Variants in CSMD3 observed in about 807,000 individuals in gnomAD.
CSMD3 encodes CUB and sushi domain-containing protein 3.
Under a neutral mutation model 435.2 loss-of-function variants are expected in CSMD3, and 177 were observed. The observed-to-expected ratio is 0.41, with a 90% CI of 0.36 to 0.46. The LOEUF (loss-of-function observed/expected upper bound fraction) is 0.46. CSMD3 is among the 20% of genes least tolerant of loss of function. The pLI, the probability that CSMD3 is intolerant of heterozygous loss-of-function variation, is 0.34. For missense variants in CSMD3, 4,265 were observed against 4,504.6 expected (o/e 0.95, Z 1.52); for synonymous variants, 1,656 against 1,520.5 (o/e 1.09, Z -2.07).
chr8:112,723,003 C>T (rs918080714), intron 13 of CSMD3, among the ~76,000 whole-genome samples: 8 of 149,622 alleles, frequency 5.3e-5, no homozygotes, highest in Admixed American at 4.0e-4. Context: ...TTGTGAGTAA[C>T]AAGCAGGTCA....
At chr8:112,608,642 T>C (rs755968262) in intron 22 of CSMD3, among the ~76,000 whole-genome samples, 8 of 151,954 alleles carry the variant, frequency 5.3e-5, no homozygotes, top group Admixed American at 6.6e-5. Context: ...ATAATTTATA[T>C]ATGTATATGT....
intron 6 of CSMD3, among the ~76,000 whole-genome samples, chr8:113,006,269 T>C (rs2086051665): frequency 6.6e-6 from 1 of 151,970 alleles, no homozygotes; most frequent in Non-Finnish European, 1.5e-5. Flanking sequence ...TGAAGATTTG[T>C]CTCTATATGT....
At chr8:112,573,220 T>C (rs962244668) in intron 24 of CSMD3, among the ~76,000 whole-genome samples, 2 of 152,124 alleles carry the variant, frequency 1.3e-5, no homozygotes, top group African/African-American at 4.8e-5. Flanking sequence ...ACTGGATGAA[T>C]AGAATCCTGC....
At chr8:112,330,355 TA>T (rs1167683281) in intron 45 of CSMD3, among the ~76,000 whole-genome samples, 1 of 152,144 alleles carries the variant, frequency 6.6e-6, no homozygotes, top group Non-Finnish European at 1.5e-5. Context: ...ACATAATTAT[TA>T]AATCATATTA....
chr8:112,685,662 T>C lies in CSMD3; in HGVS notation c.2226A>G (p.Gly742=). 6.2e-7 allele frequency: 1 copy of C among 1,613,734 alleles called. No individual in the cohort carries two copies. Among genetic ancestry groups the C allele is most frequent in the Non-Finnish European group, 8.5e-7 (1 of 1,179,676 alleles). Residue 742 remains glycine, a synonymous_variant, in exon 15 of 71, where the codon GGA becomes GGG. Transcript: ENST00000297405. The part of the protein sequence containing the change: ...VLSPDYPEGY[G]NNLNCIWTII... Reference sequence around the variant, plus strand: ...TCGTCCAGATGCAATTTAAATTATTTCCATACCCTTCTGGGTAATCAGGAG... The same window carrying C: ...TCGTCCAGATGCAATTTAAATTATTCCCATACCCTTCTGGGTAATCAGGAG...
chr8:113,228,185 C>T (rs184009031), intron 3 of CSMD3, among the ~76,000 whole-genome samples: 10 of 151,572 alleles, frequency 6.6e-5, no homozygotes, highest in African/African-American at 1.9e-4. Flanking sequence ...TTCCTGTCTT[C>T]TTAAAAACTT....
intron 27 of CSMD3, among the ~76,000 whole-genome samples, chr8:112,541,734 C>T (rs1173227064): frequency 6.6e-6 from 1 of 150,760 alleles, no homozygotes; most frequent in Admixed American, 6.6e-5. Flanking sequence ...CAAATTGAAA[C>T]AAAACAAAAC....
At chr8:113,098,506 T>G (rs571232944) in intron 5 of CSMD3, 135 of 473,442 alleles carry the variant, frequency 2.9e-4, no homozygotes, top group Non-Finnish European at 4.7e-4. Flanking sequence ...ACTGGCATGC[T>G]AAAAAACACA....
intron 1 of CSMD3, chr8:113,376,586 T>C: frequency 2.7e-6 from 2 of 749,502 alleles, no homozygotes; most frequent in Non-Finnish European, 4.4e-6. Flanking sequence ...ATAAAAAAAT[T>C]GATATCCAAT....
intron 5 of CSMD3, among the ~76,000 whole-genome samples, chr8:113,035,279 T>C (rs1345467733): frequency 6.6e-6 from 1 of 152,054 alleles, no homozygotes; most frequent in Admixed American, 6.5e-5. Flanking sequence ...AAATGGATTA[T>C]CATTAGATGA....
chr8:112,520,600 A>C (rs1824181588), intron 27 of CSMD3, among the ~76,000 whole-genome samples: 1 of 152,086 alleles, frequency 6.6e-6, no homozygotes, highest in Admixed American at 6.6e-5. Flanking sequence ...CATTTATTAC[A>C]CATAAAAATA....
At position 113,305,673 on chromosome 8, in the gene CSMD3, C is replaced by T. The variant is rs139795044; in HGVS notation, c.401+8898G>A. Among the ~76,000 whole-genome samples the T allele has an allele frequency of 1.3e-3, 201 of 152,272 alleles. 1 individual carries two copies. Among genetic ancestry groups the T allele is most frequent in the African/African-American group, 4.5e-3 (186 of 41,560 alleles). ...AAATAGTTGTGTATACTCTGGAATC[C>T]TTGCCTTAGTCAGATTTGAAAGAGC... is the stretch of plus-strand genomic sequence containing the variant. On this transcript the variant is annotated intron_variant, in intron 2 of 70. Transcript: ENST00000297405.
rs767263656 is a variant in CSMD3 at position 112,319,850 on chromosome 8, A to T, written c.7246+51T>A. 43 of 1,322,238 alleles carry T rather than the reference A, an allele frequency of 3.3e-5. No homozygotes were observed. The South Asian group carries it at 4.8e-4, about 15-fold the overall frequency. 81.9% of individuals were successfully genotyped at this position (1,322,238 alleles called of 1,614,324 possible). Reference sequence around the variant, plus strand: ...CTGTATTTTGGCTTATTTTTAAGCAAATAGTTCTGCCAGCAGTATGTTTTC... The same window carrying T: ...CTGTATTTTGGCTTATTTTTAAGCATATAGTTCTGCCAGCAGTATGTTTTC... On this transcript the variant is annotated intron_variant, in intron 46 of 70. Transcript: ENST00000297405.
At chr8:113,317,986 T>C (rs1374266991) in intron 1 of CSMD3, among the ~76,000 whole-genome samples, 3 of 152,198 alleles carry the variant, frequency 2.0e-5, no homozygotes, top group South Asian at 4.1e-4. Context: ...CTCCTAATGA[T>C]AACTTCATTT....
chr8:112,708,051 T>A (rs963115966), intron 13 of CSMD3, among the ~76,000 whole-genome samples: 1 of 152,104 alleles, frequency 6.6e-6, no homozygotes, highest in Non-Finnish European at 1.5e-5. Flanking sequence ...TAAGGCAATG[T>A]GACACAAATG....
At chr8:113,370,216 A>T (rs531381746) in intron 1 of CSMD3, among the ~76,000 whole-genome samples, 23 of 151,458 alleles carry the variant, frequency 1.5e-4, no homozygotes, top group South Asian at 6.2e-4. Flanking sequence ...AAATAAATTT[A>T]AAAAAACACA....
intron 36 of CSMD3, among the ~76,000 whole-genome samples, chr8:112,385,640 G>A (rs1055374564): frequency 6.6e-6 from 1 of 152,166 alleles, no homozygotes; most frequent in Admixed American, 6.5e-5. Context: ...ATTGGAGGCA[G>A]GAGTAGTAAA....
chr8:113,376,453 T>C (rs2094383463), intron 1 of CSMD3, among the ~76,000 whole-genome samples: 1 of 152,138 alleles, frequency 6.6e-6, no homozygotes, highest in Non-Finnish European at 1.5e-5. Context: ...AAATTTGTCA[T>C]TTCATTCAAA....
At chr8:112,794,058 T>C (rs568514418) in intron 13 of CSMD3, among the ~76,000 whole-genome samples, 1 of 152,130 alleles carries the variant, frequency 6.6e-6, no homozygotes, top group Non-Finnish European at 1.5e-5. Flanking sequence ...AAAGACCAAG[T>C]TCCTTTCAGG....
Sources: allele counts gnomAD v4.1 joint callset (sites outside exome capture counted in the v4.1 genomes callset), GRCh38; gene constraint gnomAD v4.1.1; transcripts MANE v1.5; gene names NCBI Gene and HGNC (gene_info 2026-07-23, HGNC 2026-07-21).